CAPZA2: variants seen among roughly 807,000 people sequenced by gnomAD.
The protein encoded by CAPZA2 is capping actin protein of muscle Z-line subunit alpha 2.
A neutral mutation model predicts 44.0 loss-of-function variants in CAPZA2; 13 were observed. That is an observed-to-expected ratio of 0.30 (90% CI 0.19 to 0.47). The LOEUF (loss-of-function observed/expected upper bound fraction) is 0.47, where lower values mean the gene tolerates loss of function less well. Among genes scored for constraint, CAPZA2 ranks in the 20% least tolerant of loss-of-function variants. The probability of loss-of-function intolerance (pLI) is 1.00; values close to 1 mark genes in which losing one functional copy is unlikely to be tolerated. For missense variants in CAPZA2, 244 were observed against 338.6 expected (o/e 0.72, Z 2.19); for synonymous variants, 94 against 108.2 (o/e 0.87, Z 0.81).
At chr7:116,865,042 A>G (rs922875892) in intron 1 of CAPZA2, among the ~76,000 whole-genome samples, 5 of 152,112 alleles carry the variant, frequency 3.3e-5, no homozygotes, top group African/African-American at 9.7e-5. Flanking sequence ...AGGTAGTTCT[A>G]TTACCATTTC....
chr7:116,890,732 C>T (rs753037579), intron 2 of CAPZA2, among the ~76,000 whole-genome samples: 6 of 125,560 alleles, frequency 4.8e-5, no homozygotes, highest in Non-Finnish European at 6.4e-5. Context: ...GAGTCAAGAT[C>T]GCGCCACTGC....
At chr7:116,895,672 G>T (rs1412033493) in intron 3 of CAPZA2, among the ~76,000 whole-genome samples, 1 of 146,804 alleles carries the variant, frequency 6.8e-6, no homozygotes, top group African/African-American at 2.6e-5. Flanking sequence ...TTGCTTACTA[G>T]TAAAAAAAAA....
In CAPZA2 at chr7:116,918,884, C is replaced by T. The variant is rs1791721933; in HGVS notation, c.*1017C>T. On this transcript the variant is annotated 3_prime_UTR_variant, in exon 10 of 10. Coordinates refer to ENST00000361183, the MANE Select transcript of CAPZA2 (RefSeq NM_006136.3). ...TAAATTTTTTCATCCTCCTATGCAT[C>T]ATAAGCATGTTTGTAATATTTTCAA... 2.0e-5 allele frequency: 3 copies of T among 152,098 alleles called. No individual in the cohort carries two copies. The highest frequency in any genetic ancestry group is 2.9e-5 in the Non-Finnish European group (2 of 68,006). 9.4% of individuals were successfully genotyped at this position (152,098 alleles called of 1,614,324 possible).
intron 1 of CAPZA2, among the ~76,000 whole-genome samples, chr7:116,876,827 G>A (rs1486781397): frequency 6.6e-6 from 1 of 152,236 alleles, no homozygotes; most frequent in Non-Finnish European, 1.5e-5. Context: ...CCAGGAGAGA[G>A]GAGACAGCAC....
At chr7:116,877,123 C>A (rs1441766738) in intron 1 of CAPZA2, among the ~76,000 whole-genome samples, 1 of 152,152 alleles carries the variant, frequency 6.6e-6, no homozygotes, top group Non-Finnish European at 1.5e-5. Flanking sequence ...TCAGGGCTCT[C>A]CCTGTTTTCC....
chr7:116,907,396 T>G (rs1791532249), intron 6 of CAPZA2, among the ~76,000 whole-genome samples: 1 of 152,216 alleles, frequency 6.6e-6, no homozygotes, highest in African/African-American at 2.4e-5. Context: ...GGGTCTAAAA[T>G]CTTGTAGCAT....
chr7:116,909,169 A>G (rs1245808615), intron 6 of CAPZA2, among the ~76,000 whole-genome samples: 2 of 152,160 alleles, frequency 1.3e-5, no homozygotes, highest in African/African-American at 4.8e-5. Context: ...TTGTACTATC[A>G]TTCTATAGAC....
chr7:116,864,835 T>A (rs1200866889), intron 1 of CAPZA2, among the ~76,000 whole-genome samples: 7 of 152,012 alleles, frequency 4.6e-5, no homozygotes, highest in Admixed American at 4.6e-4. Context: ...AGCCCAGGAG[T>A]TGTAGACCAG....
intron 6 of CAPZA2, 64 bp downstream of exon 6, chr7:116,906,406 T>G: frequency 1.3e-6 from 2 of 1,575,466 alleles, no homozygotes; most frequent in South Asian, 1.2e-5. Context: ...AGTTCTTGCT[T>G]TAGTGATTTG....
chr7:116,876,458 G>C (rs928600566), intron 1 of CAPZA2: 2 of 152,140 alleles, frequency 1.3e-5, no homozygotes, highest in Non-Finnish European at 2.9e-5. Context: ...TAGGAAACTA[G>C]ATAATCACAC....
chr7:116,880,983 A>G (rs949868666), intron 1 of CAPZA2, among the ~76,000 whole-genome samples: 1 of 152,022 alleles, frequency 6.6e-6, no homozygotes, highest in Non-Finnish European at 1.5e-5. Context: ...TGCTGGGATT[A>G]CAGGCGTGAT....
chr7:116,916,266 C>A, intron 9 of CAPZA2, 144 bp downstream of exon 9: 1 of 775,790 alleles, frequency 1.3e-6, no homozygotes, highest in African/African-American at 1.8e-5. Context: ...CAAAGGCAGA[C>A]TTACTAATGT....
intron 6 of CAPZA2, among the ~76,000 whole-genome samples, chr7:116,909,178 A>C (rs1791553760): frequency 6.6e-6 from 1 of 152,110 alleles, no homozygotes; most frequent in Admixed American, 6.5e-5. Flanking sequence ...CATTCTATAG[A>C]CTTTATGATT....
chr7:116,892,928 A>G (rs1796868670), intron 2 of CAPZA2, 66 bp from the exon 3 acceptor site: 4 of 1,171,248 alleles, frequency 3.4e-6, no homozygotes, highest in African/African-American at 1.5e-5. Flanking sequence ...CACCAAAACA[A>G]TCTGCGTTCA....
chr7:116,888,102 A>T (rs768770567), intron 1 of CAPZA2, 25 bp from the exon 2 acceptor site: 25 of 1,564,010 alleles, frequency 1.6e-5, no homozygotes, highest in Non-Finnish European at 2.0e-5. Context: ...GATATGGAAC[A>T]TTTATATCTT....
At position 116,918,525 on chromosome 7, in the gene CAPZA2, T is replaced by C. The variant is rs1490539471; in HGVS notation, c.*658T>C. On this transcript the variant is annotated 3_prime_UTR_variant, in exon 10 of 10. Coordinates refer to ENST00000361183, the MANE Select transcript of CAPZA2 (RefSeq NM_006136.3). Reference sequence around the variant, plus strand: ...ATACTTATTTCAGAAATGCATTTAATGCTTTTTTTCTTGTGACAGTTACGC... The same window carrying C: ...ATACTTATTTCAGAAATGCATTTAACGCTTTTTTTCTTGTGACAGTTACGC... 6.6e-6 allele frequency: 1 copy of C among 152,660 alleles called. No homozygotes were observed. Among genetic ancestry groups the C allele is most frequent in the Non-Finnish European group, 1.5e-5 (1 of 68,030 alleles). The allele number at this position is 152,660 out of a possible 1,614,324, so 9.5% of individuals were successfully genotyped here. A position where few individuals can be genotyped will look rare whatever the true frequency, so the allele number is the denominator to read the frequency against.
chr7:116,887,967 CAGT>C (rs1467778436), intron 1 of CAPZA2, among the ~76,000 whole-genome samples, 157 bp from the exon 2 acceptor site: 3 of 152,242 alleles, frequency 2.0e-5, no homozygotes, highest in Middle Eastern at 3.4e-3. Flanking sequence ...ATTATTGAAA[CAGT>C]AGTGATCTTA....
chr7:116,878,915 C>T (rs542087465), intron 1 of CAPZA2, among the ~76,000 whole-genome samples: 95 of 151,994 alleles, frequency 6.3e-4, no homozygotes, highest in African/African-American at 2.2e-3. Context: ...ATCACGAGGT[C>T]GGGAGTTTGA....
At chr7:116,898,556 C>T (rs755320412) in intron 3 of CAPZA2, among the ~76,000 whole-genome samples, 75 of 152,098 alleles carry the variant, frequency 4.9e-4, no homozygotes, top group Admixed American at 1.7e-3. Flanking sequence ...TTTTATTTTG[C>T]TAAACATTGA....
Sources: allele counts gnomAD v4.1 joint callset (sites outside exome capture counted in the v4.1 genomes callset), GRCh38; gene constraint gnomAD v4.1.1; transcripts MANE v1.5; gene names NCBI Gene and HGNC (gene_info 2026-07-23, HGNC 2026-07-21).